The following RAPGEF2 variants were observed in gnomAD, a reference collection of about 807,000 sequenced individuals.
RAPGEF2 encodes PDZ domain containing guanine nucleotide exchange factor (GEF) 1.
A neutral mutation model predicts 186.7 loss-of-function variants in RAPGEF2; 54 were observed. That is an observed-to-expected ratio of 0.29 (90% CI 0.23 to 0.36). RAPGEF2 has a LOEUF of 0.36. Ranked by LOEUF, RAPGEF2 falls within the 10% of genes least tolerant of loss-of-function variation. The pLI is 1.00. For synonymous variants in RAPGEF2, 712 were observed against 705.9 expected, an observed-to-expected ratio of 1.01 and a Z score of -0.14; for missense variants, 1,532 against 2,045.0, an observed-to-expected ratio of 0.75 and a Z score of 4.84.
chr4:159,239,726 CAGCCT>C (rs1753727528), intron 5 of RAPGEF2, among the ~76,000 whole-genome samples: 1 of 152,130 alleles, frequency 6.6e-6, no homozygotes, highest in Admixed American at 6.5e-5. Context: ...GGGAGTTTCC[CAGCCT>C]AGACATTCAG....
chr4:159,254,028 C>T (rs923980842), intron 7 of RAPGEF2, among the ~76,000 whole-genome samples: 11 of 152,188 alleles, frequency 7.2e-5, no homozygotes, highest in Non-Finnish European at 1.3e-4. Flanking sequence ...CTTGAGACAA[C>T]CATTGTACAT....
chr4:159,328,533 T>C (rs747419046), intron 11 of RAPGEF2: 5 of 152,236 alleles, frequency 3.3e-5, no homozygotes, highest in Non-Finnish European at 5.9e-5. Flanking sequence ...GTTCCTCTTA[T>C]GAACTGCTGC....
At chr4:159,198,626 A>G (rs1191193615) in intron 3 of RAPGEF2, among the ~76,000 whole-genome samples, 2 of 150,896 alleles carry the variant, frequency 1.3e-5, no homozygotes, top group Non-Finnish European at 3.0e-5. Flanking sequence ...TTGTAGTTTT[A>G]GTAGTGCTGG....
At chr4:159,315,922 G>A (rs758204172) in intron 9 of RAPGEF2, among the ~76,000 whole-genome samples, 2 of 152,096 alleles carry the variant, frequency 1.3e-5, no homozygotes, top group Non-Finnish European at 2.9e-5. Context: ...AACTGCGGGC[G>A]AGCCTGACTA....
At chr4:159,279,702 A>G (rs1156588191) in intron 7 of RAPGEF2, among the ~76,000 whole-genome samples, 1 of 150,670 alleles carries the variant, frequency 6.6e-6, no homozygotes, top group Non-Finnish European at 1.5e-5. Flanking sequence ...TTTTTTTGAG[A>G]CAGGGTCTTA....
At chr4:159,321,851 T>C (rs1210399286) in intron 9 of RAPGEF2, among the ~76,000 whole-genome samples, 1 of 151,754 alleles carries the variant, frequency 6.6e-6, no homozygotes, top group Non-Finnish European at 1.5e-5. Flanking sequence ...ATCATGTCGT[T>C]AATTTTTTAA....
intron 4 of RAPGEF2, among the ~76,000 whole-genome samples, chr4:159,236,283 C>T (rs554823106): frequency 1.3e-5 from 2 of 152,228 alleles, no homozygotes; most frequent in African/African-American, 4.8e-5. Flanking sequence ...TTGTGTAGCA[C>T]ATTTTAGGAA....
chr4:159,283,200 C>T (rs919867986), intron 7 of RAPGEF2, among the ~76,000 whole-genome samples: 2 of 152,074 alleles, frequency 1.3e-5, no homozygotes, highest in Admixed American at 6.6e-5. Flanking sequence ...ATACATAGTA[C>T]CTTTGGTTAA....
At chr4:159,163,013 C>T (rs1420461490) in intron 1 of RAPGEF2, among the ~76,000 whole-genome samples, 1 of 151,976 alleles carries the variant, frequency 6.6e-6, no homozygotes, top group Non-Finnish European at 1.5e-5. Context: ...AACACCTGTT[C>T]CAAAAAGGAG....
intron 1 of RAPGEF2, among the ~76,000 whole-genome samples, chr4:159,131,103 A>T (rs151317465): frequency 0.2 from 4,363 of 21,636 alleles, 114 homozygotes; most frequent in African/African-American, 0.35. Context: ...TGTGTGAGAG[A>T]GAGAGAGAGA....
At chr4:159,156,009 A>T (rs1744080652) in intron 1 of RAPGEF2, among the ~76,000 whole-genome samples, 1 of 152,178 alleles carries the variant, frequency 6.6e-6, no homozygotes, top group South Asian at 2.1e-4. Context: ...TCCCTTATAA[A>T]AGTTACTGTA....
chr4:159,135,577 A>T (rs949022317), intron 1 of RAPGEF2, among the ~76,000 whole-genome samples: 28 of 152,098 alleles, frequency 1.8e-4, no homozygotes, highest in African/African-American at 6.5e-4. Flanking sequence ...ATCTTTTCAA[A>T]TATTTTGTCC....
chr4:159,184,679 C>T (rs1201351334), intron 1 of RAPGEF2, among the ~76,000 whole-genome samples: 1 of 152,094 alleles, frequency 6.6e-6, no homozygotes, highest in Non-Finnish European at 1.5e-5. Flanking sequence ...AAATTTTCTC[C>T]CGTTCTGTAG....
intron 9 of RAPGEF2, among the ~76,000 whole-genome samples, chr4:159,316,374 A>G (rs148522615): frequency 0.011 from 1,698 of 152,250 alleles, 38 homozygotes; most frequent in African/African-American, 0.039. Flanking sequence ...TTATACTGGA[A>G]CAGCTCATGT....
At chr4:159,357,592 A>T (rs1732215009) in intron 29 of RAPGEF2, among the ~76,000 whole-genome samples, 2 of 152,206 alleles carry the variant, frequency 1.3e-5, no homozygotes, top group East Asian at 3.8e-4. Flanking sequence ...CCGAGGCAGG[A>T]GAATCGCTTG....
intron 1 of RAPGEF2, among the ~76,000 whole-genome samples, chr4:159,130,702 T>A (rs1283750330): frequency 6.6e-6 from 1 of 152,164 alleles, no homozygotes; most frequent in Non-Finnish European, 1.5e-5. Context: ...AAGTTATCTA[T>A]TATTGTTTTA....
At position 159,188,973 on chromosome 4, in the gene RAPGEF2, A is replaced by G. The variant is rs1747836788; in HGVS notation, c.140+2261A>G. Among the ~76,000 whole-genome samples the G allele has an allele frequency of 2.0e-5, 3 of 152,240 alleles. No homozygotes were observed. The South Asian group carries it at 6.2e-4, about 31-fold the overall frequency. On this transcript the variant is annotated intron_variant, in intron 2 of 29. Coordinates refer to ENST00000691494, the MANE Select transcript of RAPGEF2 (RefSeq NM_001394067.2). ...AAACTAATTTAAGTTCTTTTTTAGAACAAGATCAGGATACCACATACATAA... is the reference window on the plus strand; with the variant it reads ...AAACTAATTTAAGTTCTTTTTTAGAGCAAGATCAGGATACCACATACATAA...
chr4:159,112,077 T>G (rs1738557124), intron 1 of RAPGEF2, among the ~76,000 whole-genome samples: 1 of 152,220 alleles, frequency 6.6e-6, no homozygotes, highest in Non-Finnish European at 1.5e-5. Context: ...TCGTACAGTA[T>G]ATGGCCTTTG....
At chr4:159,181,078 T>A (rs1421143883) in intron 1 of RAPGEF2, among the ~76,000 whole-genome samples, 1 of 152,238 alleles carries the variant, frequency 6.6e-6, no homozygotes, top group Admixed American at 6.5e-5. Context: ...ACGTAATTTG[T>A]ATAAGAGCGT....
Sources: allele counts gnomAD v4.1 joint callset (sites outside exome capture counted in the v4.1 genomes callset), GRCh38; gene constraint gnomAD v4.1.1; transcripts MANE v1.5; gene names NCBI Gene and HGNC (gene_info 2026-07-23, HGNC 2026-07-21).